The following STAU2 variants were observed in gnomAD, a reference collection of about 807,000 sequenced individuals.
STAU2 encodes the protein staufen double-stranded RNA binding protein 2, also known as double-stranded RNA-binding protein Staufen homolog 2.
STAU2 carries 20 observed loss-of-function variants against 65.9 expected under a neutral mutation model. The observed-to-expected ratio is 0.30, with a 90% CI of 0.21 to 0.44. The LOEUF (loss-of-function observed/expected upper bound fraction) is 0.44, where lower values mean the gene tolerates loss of function less well. Among genes scored for constraint, STAU2 ranks in the 20% least tolerant of loss-of-function variants. STAU2 has a pLI of 1.00. For synonymous variants in STAU2, 232 were observed against 233.9 expected (o/e 0.99, Z 0.07); for missense variants, 558 against 683.9 (o/e 0.82, Z 2.05).
chr8:73,493,560 A>G lies in STAU2; in HGVS notation c.1530+58452T>C, dbSNP rs879864513. Among the ~76,000 whole-genome samples, 18 of 151,918 alleles carry G rather than the reference A, an allele frequency of 1.2e-4. 1 individual carries two copies. The highest frequency in any genetic ancestry group is 2.2e-4 in the African/African-American group (9 of 41,526). ...TGTTATTAGTCATTAGGGAGTAACA[A>G]TTTAAAACCCTAATGAGATACCATT... On this transcript the variant is annotated intron_variant, in intron 13 of 14. Coordinates refer to ENST00000524300, the MANE Select transcript of STAU2 (RefSeq NM_001164380.2).
chr8:73,586,809 C>T (rs1201376553), intron 11 of STAU2, among the ~76,000 whole-genome samples: 5 of 151,888 alleles, frequency 3.3e-5, no homozygotes, highest in Non-Finnish European at 5.9e-5. Flanking sequence ...GACTAGAAAA[C>T]AAACTTGAGG....
intron 13 of STAU2, among the ~76,000 whole-genome samples, chr8:73,472,261 C>A (rs182717883): frequency 6.6e-6 from 1 of 152,092 alleles, no homozygotes; most frequent in East Asian, 1.9e-4. Flanking sequence ...CAAAATAGTG[C>A]CGCTAATGGA....
At chr8:73,638,354 T>G (rs1446071269) in intron 6 of STAU2, among the ~76,000 whole-genome samples, 4 of 151,712 alleles carry the variant, frequency 2.6e-5, no homozygotes, top group Non-Finnish European at 5.9e-5. Flanking sequence ...CTCCTCTCCC[T>G]TTTTCAAATA....
chr8:73,553,350 T>G (rs1807475405), intron 12 of STAU2, among the ~76,000 whole-genome samples: 1 of 152,228 alleles, frequency 6.6e-6, no homozygotes, highest in Non-Finnish European at 1.5e-5. Flanking sequence ...AAGCTTTCAA[T>G]GTTTCTCTGC....
intron 4 of STAU2, among the ~76,000 whole-genome samples, chr8:73,697,044 GTTGTTTTGTT>G (rs59831190): frequency 1.1e-3 from 165 of 151,304 alleles, no homozygotes; most frequent in Non-Finnish European, 1.7e-3. Flanking sequence ...GCAGACTTTT[GTTGTTTTGTT>G]TTGTTTTGTT....
At chr8:73,671,505 T>C (rs1586238555) in intron 6 of STAU2, among the ~76,000 whole-genome samples, 2 of 152,204 alleles carry the variant, frequency 1.3e-5, no homozygotes, top group African/African-American at 2.4e-5. Flanking sequence ...TGTAAGAAAT[T>C]AGTACAAACT....
intron 3 of STAU2, among the ~76,000 whole-genome samples, chr8:73,728,678 T>C (rs1805823720): frequency 6.6e-6 from 1 of 152,244 alleles, no homozygotes; most frequent in Non-Finnish European, 1.5e-5. Context: ...CTTTAGGCTT[T>C]TGGATGCTAT....
intron 4 of STAU2, among the ~76,000 whole-genome samples, chr8:73,690,771 T>C (rs1045153774): frequency 3.9e-5 from 6 of 152,314 alleles, no homozygotes; most frequent in African/African-American, 1.4e-4. Flanking sequence ...TTAATCAAAA[T>C]AGAGAATTGG....
At chr8:73,596,745 A>G (rs1811217449) in intron 10 of STAU2, among the ~76,000 whole-genome samples, 1 of 152,118 alleles carries the variant, frequency 6.6e-6, no homozygotes, top group South Asian at 2.1e-4. Context: ...GCTACTTGGG[A>G]GGCTGAGGTG....
At chr8:73,642,703 T>C (rs779938062) in intron 6 of STAU2, among the ~76,000 whole-genome samples, 8 of 151,968 alleles carry the variant, frequency 5.3e-5, no homozygotes, top group African/African-American at 1.2e-4. Flanking sequence ...CTAGACGGCA[T>C]AGAGAAAAAA....
At chr8:73,473,874 A>G (rs1820174602) in intron 13 of STAU2, among the ~76,000 whole-genome samples, 1 of 152,236 alleles carries the variant, frequency 6.6e-6, no homozygotes, top group African/African-American at 2.4e-5. Flanking sequence ...GAAGAGGAAC[A>G]TTGTGAGAAA....
intron 13 of STAU2, among the ~76,000 whole-genome samples, chr8:73,488,768 C>T (rs1205312688): frequency 6.6e-6 from 1 of 151,274 alleles, no homozygotes; most frequent in African/African-American, 2.4e-5. Context: ...CTCCTGGGTC[C>T]TCAGAAGTTC....
intron 12 of STAU2, among the ~76,000 whole-genome samples, chr8:73,579,520 T>C (rs1809830123): frequency 6.6e-6 from 1 of 152,186 alleles, no homozygotes; most frequent in Admixed American, 6.5e-5. Flanking sequence ...CTAAATATTT[T>C]ACAAAGTTTT....
At chr8:73,654,663 A>AAAAAAAAAAAAAC (rs1280392351) in intron 6 of STAU2, among the ~76,000 whole-genome samples, 1 of 135,562 alleles carries the variant, frequency 7.4e-6, no homozygotes, top group African/African-American at 2.6e-5. Context: ...AAAAAAAAAG[A>AAAAAAAAAAAAAC]ACTCTTTTAA....
chr8:73,568,838 A>G (rs1253857331), intron 12 of STAU2, among the ~76,000 whole-genome samples: 1 of 152,188 alleles, frequency 6.6e-6, no homozygotes, highest in East Asian at 1.9e-4. Flanking sequence ...ATAACTTAAA[A>G]GAAATGTTTT....
At chr8:73,561,356 C>A in intron 12 of STAU2, 1 of 310,366 alleles carries the variant, frequency 3.2e-6, no homozygotes. Context: ...ACAACTGTGA[C>A]TATTTCTACC....
chr8:73,669,637 T>TTCTCTCTCTTTCTCTCTCTCTCTC (rs1817517388), intron 6 of STAU2, among the ~76,000 whole-genome samples: 1 of 141,244 alleles, frequency 7.1e-6, no homozygotes, highest in African/African-American at 2.6e-5. Flanking sequence ...GAGCCTGGAA[T>TTCTCTCTCTTTCTCTCTCTCTCTC]TCTCTCTCTC....
At chr8:73,581,589 T>G (rs933493268) in intron 12 of STAU2, among the ~76,000 whole-genome samples, 1 of 152,194 alleles carries the variant, frequency 6.6e-6, no homozygotes, top group African/African-American at 2.4e-5. Context: ...AACCAATATA[T>G]TCAAACATCA....
chr8:73,441,988 ATAT>A (rs1338442481), intron 13 of STAU2, among the ~76,000 whole-genome samples: 1 of 152,168 alleles, frequency 6.6e-6, no homozygotes, highest in African/African-American at 2.4e-5. Context: ...GAAGTAAACG[ATAT>A]CTTCTTTTAG....
Sources: allele counts gnomAD v4.1 joint callset (sites outside exome capture counted in the v4.1 genomes callset), GRCh38; gene constraint gnomAD v4.1.1; transcripts MANE v1.5; gene names NCBI Gene and HGNC (gene_info 2026-07-23, HGNC 2026-07-21).